The following SRCAP variants were observed in gnomAD, a reference collection of about 807,000 sequenced individuals.
The protein encoded by SRCAP is chromatin remodeling protein SRCAP.
SRCAP carries 46 observed loss-of-function variants against 263.1 expected under a neutral mutation model. That is an observed-to-expected ratio of 0.17 (90% CI 0.14 to 0.22). SRCAP has a LOEUF of 0.22. Among genes scored for constraint, SRCAP ranks in the 10% least tolerant of loss-of-function variants. The pLI is 1.00. For missense variants in SRCAP, 3,695 were observed against 4,181.9 expected, an observed-to-expected ratio of 0.88 and a Z score of 3.21; for synonymous variants, 1,813 against 1,662.1, an observed-to-expected ratio of 1.09 and a Z score of -2.21.
chr16:30,715,124 G>A (rs1431082377), intron 16 of SRCAP, among the ~76,000 whole-genome samples: 1 of 152,232 alleles, frequency 6.6e-6, no homozygotes, highest in South Asian at 2.1e-4. Flanking sequence ...TAGATCACTT[G>A]ACCTGTATTT....
rs868706745 is a variant in SRCAP, at chr16:30,709,949, C to T, written c.955C>T (p.Arg319Cys). Residue 319 changes from arginine (R) to cysteine (C), a missense_variant, in exon 8 of 34, where the codon CGT becomes TGT. Arg to Cys is a radical substitution (Grantham distance 180). Transcript: ENST00000262518. ...AGGCAATGATGCAGAGGCCCAGAGG[C>T]GTGAGATTGAGCTGCTTCGCCGTGA... ...QEGNDAEAQR[R>C]EIELLRREGE... 6.8e-6 allele frequency: 11 copies of T among 1,614,042 alleles called. No homozygotes were observed. Among genetic ancestry groups the T allele is most frequent in the South Asian group, 2.2e-5 (2 of 91,084 alleles).
Position 30,710,134 on chromosome 16 carries a change from G to A in SRCAP, c.1134+6G>A. ...AGCCCCCTCAGGTGTTGGAGGTATAGGCAGAAGGAGCAGAGGGAGGGTTCA... is the reference window on the plus strand; with the variant it reads ...AGCCCCCTCAGGTGTTGGAGGTATAAGCAGAAGGAGCAGAGGGAGGGTTCA... On this transcript the variant is annotated splice_donor_region_variant and intron_variant, in intron 8 of 33. Coordinates refer to ENST00000262518, the MANE Select transcript of SRCAP (RefSeq NM_006662.3). 2 of 1,611,384 alleles carry A rather than the reference G, an allele frequency of 1.2e-6. No individual in the cohort carries two copies. The highest frequency in any genetic ancestry group is 1.7e-6 in the Non-Finnish European group (2 of 1,178,072).
In SRCAP at chr16:30,724,123, C is replaced by G. The variant is rs764465862; in HGVS notation, c.4699C>G (p.Pro1567Ala). 6.2e-7 allele frequency: 1 copy of G among 1,613,970 alleles called. No individual in the cohort carries two copies. Among genetic ancestry groups the G allele is most frequent in the Non-Finnish European group, 8.5e-7 (1 of 1,180,028 alleles). The change falls in exon 25 of 34, where the codon CCA becomes GCA. Residue 1567 changes from proline (P) to alanine (A), a missense_variant. Physicochemically the swap from Pro to Ala is conservative, Grantham distance 27. This residue lies in a region of SRCAP where 1,347 missense variants were observed against 1,304.4 expected (regional missense o/e 1.03). Transcript: ENST00000262518. Reference sequence around the variant, plus strand: ...TTTTCCGTCAGCACCAAATCCAGCTCCAGCTCAGGCTTCCCTTCTGGCTCC... The same window carrying G: ...TTTTCCGTCAGCACCAAATCCAGCTGCAGCTCAGGCTTCCCTTCTGGCTCC... Reference protein sequence around the residue: ...SPFPSAPNPAPAQASLLAPAS... With the variant: ...SPFPSAPNPAAAQASLLAPAS...
chr16:30,720,254 T>C lies in SRCAP; in HGVS notation c.2910T>C (p.Ser970=), dbSNP rs1801663215. 2 of 1,614,222 alleles carry C rather than the reference T, an allele frequency of 1.2e-6. No homozygotes were observed. Among genetic ancestry groups the C allele is most frequent in the Non-Finnish European group, 1.7e-6 (2 of 1,180,040 alleles). ...ADTFLPRHRL[S]RRVLLEVATA... ...CATTTCTGCCCCGGCACCGCCTCTC[T>C]CGCCGGGTACTGTTAGAAGTGGCTA... Residue 970 remains serine (S), a synonymous_variant, in exon 19 of 34, where the codon TCT becomes TCC. Coordinates refer to ENST00000262518, the MANE Select transcript of SRCAP (RefSeq NM_006662.3).
chr16:30,734,742 T>G (rs138082486), intron 31 of SRCAP, 127 bp downstream of exon 31: 2 of 1,419,820 alleles, frequency 1.4e-6, no homozygotes, highest in East Asian at 2.4e-5. Context: ...ACAGTCAGCC[T>G]TTGATAGTTG....
At position 30,737,551 on chromosome 16, in the gene SRCAP, C is replaced by T. The variant is rs2053173033; in HGVS notation, c.7511C>T (p.Ala2504Val). Residue 2504 changes from alanine to valine, a missense_variant, in exon 34 of 34, where the codon GCC becomes GTC. By Grantham distance (64) the Ala-to-Val change is moderately conservative. Coordinates refer to ENST00000262518, the MANE Select transcript of SRCAP (RefSeq NM_006662.3). ...TCTCCTGCCTGCACCCCTCCTCCTG[C>T]CTGTACCCCTCCACCAGCTCATACA... ...CSSPACTPPP[A>V]CTPPPAHTPP... 6.2e-6 allele frequency: 10 copies of T among 1,613,314 alleles called. No homozygotes were observed. Among genetic ancestry groups the T allele is most frequent in the Non-Finnish European group, 8.5e-6 (10 of 1,179,270 alleles).
At chr16:30,730,105 A>G (rs978824047) in intron 27 of SRCAP, among the ~76,000 whole-genome samples, 1 of 152,176 alleles carries the variant, frequency 6.6e-6, no homozygotes, top group African/African-American at 2.4e-5. Flanking sequence ...ATGTGCTGCT[A>G]ACTCCTTCAT....
chr16:30,741,163 T>G lies in SRCAP; in HGVS notation c.*1430T>G, dbSNP rs1280527560. 1 of 152,314 alleles carries G rather than the reference T, an allele frequency of 6.6e-6. No homozygotes were observed. Among genetic ancestry groups the G allele is most frequent in the African/African-American group, 2.4e-5 (1 of 41,438 alleles). The allele number at this position is 152,314 out of a possible 1,614,324, so 9.4% of individuals were successfully genotyped here. On this transcript the variant is annotated 3_prime_UTR_variant, in exon 34 of 34. Coordinates refer to ENST00000262518, the MANE Select transcript of SRCAP (RefSeq NM_006662.3). Reference sequence around the variant, plus strand: ...GCAGCATAGCAGAGGAAGCCCTGACTTAGGGAAGTAAAGTCTTTCTGATGT... The same window carrying G: ...GCAGCATAGCAGAGGAAGCCCTGACGTAGGGAAGTAAAGTCTTTCTGATGT...
rs777065145 is a variant in SRCAP, at chr16:30,724,278, T to C, written c.4854T>C (p.Ala1618=). 6.2e-7 allele frequency: 1 copy of C among 1,614,086 alleles called. No homozygotes were observed. Among genetic ancestry groups the C allele is most frequent in the South Asian group, 1.1e-5 (1 of 91,078 alleles). The part of the protein sequence containing the change: ...PLPVLAPSPG[A]APVLASSQTP... ...CGGTCCTGGCACCATCGCCAGGTGC[T>C]GCTCCTGTCCTGGCTTCATCACAGA... The change falls in exon 25 of 34, where the codon GCT becomes GCC. Residue 1618 remains alanine (A), a synonymous_variant. Coordinates refer to ENST00000262518, the MANE Select transcript of SRCAP (RefSeq NM_006662.3).
chr16:30,716,264 C>T (rs766995619), intron 17 of SRCAP, 29 bp from the exon 18 acceptor site: 20 of 1,613,096 alleles, frequency 1.2e-5, no homozygotes, highest in Middle Eastern at 3.3e-4. Context: ...GCTGTTAGGA[C>T]GTCTCATTTA....
chr16:30,729,587 C>T lies in SRCAP; in HGVS notation c.6127+15C>T. 1 of 1,613,452 alleles carries T rather than the reference C, an allele frequency of 6.2e-7. No homozygotes were observed. The highest frequency in any genetic ancestry group is 8.5e-7 in the Non-Finnish European group (1 of 1,179,454). On this transcript the variant is annotated intron_variant, in intron 27 of 33. Transcript: ENST00000262518. Reference sequence around the variant, plus strand: ...GTATGATTGCGGTGAGTTTGTTGGCCAGTGTAGGACCCTTGACTTCTCTTC... The same window carrying T: ...GTATGATTGCGGTGAGTTTGTTGGCTAGTGTAGGACCCTTGACTTCTCTTC...
chr16:30,706,582 A>C (rs1313024120), intron 4 of SRCAP, among the ~76,000 whole-genome samples: 1 of 152,244 alleles, frequency 6.6e-6, no homozygotes, highest in African/African-American at 2.4e-5. Context: ...TTTTACACCT[A>C]ATCAGTGTTA....
chr16:30,733,858 T>G lies in SRCAP; in HGVS notation c.6495-36T>G. 6.2e-7 allele frequency: 1 copy of G among 1,613,184 alleles called. No homozygotes were observed. The highest frequency in any genetic ancestry group is 1.7e-5 in the Admixed American group (1 of 59,934). ...TTACTGATGGGGTTTCCTGGATATATTTGGCTGCTTACACACGGCCTTCAT... is the reference window on the plus strand; with the variant it reads ...TTACTGATGGGGTTTCCTGGATATAGTTGGCTGCTTACACACGGCCTTCAT... On this transcript the variant is annotated intron_variant, in intron 29 of 33. Coordinates refer to ENST00000262518, the MANE Select transcript of SRCAP (RefSeq NM_006662.3). The surrounding 1 kb of genome is among the most constrained non-coding windows in gnomAD (Gnocchi z 5.3).
intron 21 of SRCAP, 79 bp downstream of exon 21, chr16:30,721,555 A>T (rs2053012146): frequency 6.5e-6 from 10 of 1,528,632 alleles, no homozygotes; most frequent in Admixed American, 1.9e-5. Flanking sequence ...AATTTTAGGC[A>T]GCTGGGTCAG....
rs766729169 is a variant in SRCAP, at chr16:30,710,008, C to T, written c.1014C>T (p.Ser338=). ...GELPLEELLR[S]LPPQLLEGPS... ...TGCCACTGGAAGAGCTGCTCCGTTCCCTTCCCCCTCAGCTGTTGGAAGGGC... is the reference window on the plus strand; with the variant it reads ...TGCCACTGGAAGAGCTGCTCCGTTCTCTTCCCCCTCAGCTGTTGGAAGGGC... The change falls in exon 8 of 34, where the codon TCC becomes TCT. Residue 338 remains serine, a synonymous_variant. Transcript: ENST00000262518. 4 of 1,614,162 alleles carry T rather than the reference C, an allele frequency of 2.5e-6. No individual in the cohort carries two copies. The Admixed American group carries it at 6.7e-5, about 27-fold the overall frequency.
At position 30,707,255 on chromosome 16, in the gene SRCAP, G is replaced by A. The variant is rs2052837661; in HGVS notation, c.379G>A (p.Val127Met). Residue 127 changes from valine (V) to methionine (M), a missense_variant, in exon 5 of 34, where the codon GTG (valine) becomes ATG (methionine). By Grantham distance (21) the Val-to-Met change is conservative. Coordinates refer to ENST00000262518, the MANE Select transcript of SRCAP (RefSeq NM_006662.3). Reference protein sequence around the residue: ...GFWSLKRLPKVPEPPRPKGHW... With the variant: ...GFWSLKRLPKMPEPPRPKGHW... Reference sequence around the variant, plus strand: ...CTGGTCACTGAAGAGGCTGCCTAAGGTGCCAGAGCCCCCTCGCCCCAAAGG... The same window carrying A: ...CTGGTCACTGAAGAGGCTGCCTAAGATGCCAGAGCCCCCTCGCCCCAAAGG... 8.7e-6 allele frequency: 14 copies of A among 1,614,054 alleles called. No homozygotes were observed. Among genetic ancestry groups the A allele is most frequent in the Non-Finnish European group, 1.1e-5 (13 of 1,180,042 alleles).
At chr16:30,720,677 T>C (rs752747743) in intron 19 of SRCAP, 36 bp from the exon 20 acceptor site, 2 of 1,548,998 alleles carry the variant, frequency 1.3e-6, no homozygotes, top group Non-Finnish European at 1.7e-6. Context: ...TTATTCTCCT[T>C]CTGTCCCTAC....
rs747015323 is a variant in SRCAP, at chr16:30,712,720, A to G, written c.2035A>G (p.Met679Val). The G allele has an allele frequency of 1.2e-6, 2 of 1,613,932 alleles. No individual in the cohort carries two copies. Among genetic ancestry groups the G allele is most frequent in the South Asian group, 2.2e-5 (2 of 91,080 alleles). ...PHLIIVPTSVMLNWEMELKRW... is the reference protein window; with the variant it reads ...PHLIIVPTSVVLNWEMELKRW... ...TTTAATCATTGTTCCCACCAGCGTG[A>G]TGTTGAACTGGGAGATGGAGTTGAA... Residue 679 changes from methionine to valine, a missense_variant, in exon 14 of 34, where the codon ATG becomes GTG. Coordinates refer to ENST00000262518, the MANE Select transcript of SRCAP (RefSeq NM_006662.3).
Position 30,720,143 on chromosome 16 carries a change from GCTTT to G in SRCAP, c.2818-11_2818-8del, listed in dbSNP as rs534115991. On this transcript the variant is annotated splice_polypyrimidine_tract_variant and intron_variant, in intron 18 of 33. Transcript: ENST00000262518. ...TGATTTTGTTCTTCTTTATGACTGT[GCTTT>G]CTTTCTTGTGGCAGCGGATAGACAT... 7.5e-6 allele frequency: 12 copies of G among 1,598,000 alleles called. No individual in the cohort carries two copies. Among genetic ancestry groups the G allele is most frequent in the Non-Finnish European group, 8.6e-6 (10 of 1,166,918 alleles).
Sources: gnomAD v4.1 joint callset for allele counts (sites outside exome capture counted in the v4.1 genomes callset) on GRCh38, gnomAD v4.1.1 for gene constraint, gnomAD v4.1.1 regional missense constraint, Gnocchi (gnomAD v3.1) non-coding constraint, MANE v1.5 for transcripts, NCBI Gene and HGNC (gene_info 2026-07-23, HGNC 2026-07-21) for gene names.